ITSN1: variants seen among roughly 807,000 people sequenced by gnomAD.
The protein encoded by ITSN1 is intersectin-1.
ITSN1 carries 58 observed loss-of-function variants against 239.8 expected under a neutral mutation model. The observed-to-expected ratio is 0.24, with a 90% CI of 0.20 to 0.30. The LOEUF is 0.30. ITSN1 is among the 10% of genes least tolerant of loss of function. The pLI, the probability that ITSN1 is intolerant of heterozygous loss-of-function variation, is 1.00. For synonymous variants in ITSN1, 780 were observed against 770.8 expected (o/e 1.01, Z -0.20); for missense variants, 1,558 against 2,103.3 (o/e 0.74, Z 5.07).
At chr21:33,779,298 CA>C (rs1232889737) in intron 14 of ITSN1, among the ~76,000 whole-genome samples, 1 of 152,080 alleles carries the variant, frequency 6.6e-6, no homozygotes, top group East Asian at 1.9e-4. Flanking sequence ...ATTTTTGATA[CA>C]AACATTTTAA....
At chr21:33,711,620 CTT>C (rs2092416784) in intron 1 of ITSN1, among the ~76,000 whole-genome samples, 1 of 146,752 alleles carries the variant, frequency 6.8e-6, no homozygotes, top group African/African-American at 2.5e-5. Context: ...TCATTTGCCT[CTT>C]GACTTTTTGG....
intron 16 of ITSN1, among the ~76,000 whole-genome samples, chr21:33,784,639 A>G (rs1334488512): frequency 1.3e-5 from 2 of 152,254 alleles, no homozygotes; most frequent in Non-Finnish European, 2.9e-5. Context: ...CTCAAACCTG[A>G]TAAAGCCAAA....
chr21:33,896,960 T>G lies in ITSN1; in HGVS notation c.*8660T>G, dbSNP rs1275507193. On this transcript the variant is annotated 3_prime_UTR_variant, in exon 40 of 40. Coordinates refer to ENST00000381318, the MANE Select transcript of ITSN1 (RefSeq NM_003024.3). ...TTGAATGACATAACAAATTATGGCT[T>G]TGTTTTCATGCGTCATGCAATCTTC... 6.6e-6 allele frequency: 1 copy of G among 152,252 alleles called. No homozygotes were observed. The highest frequency in any genetic ancestry group is 2.4e-5 in the African/African-American group (1 of 41,460). 9.4% of individuals were successfully genotyped at this position (152,252 alleles called of 1,614,324 possible).
chr21:33,669,558 G>GCCGC (rs902232323), intron 1 of ITSN1, among the ~76,000 whole-genome samples: 4 of 151,654 alleles, frequency 2.6e-5, no homozygotes, highest in Non-Finnish European at 4.4e-5. Flanking sequence ...TCCTGCCTCA[G>GCCGC]CCGCCCGATT....
At chr21:33,675,753 A>G (rs773002039) in intron 1 of ITSN1, among the ~76,000 whole-genome samples, 6 of 152,104 alleles carry the variant, frequency 3.9e-5, no homozygotes, top group African/African-American at 9.7e-5. Flanking sequence ...TCTTTTACTG[A>G]TAAGAAGCTT....
At chr21:33,883,894 G>GTTTTTT (rs34448559) in intron 36 of ITSN1, among the ~76,000 whole-genome samples, 13 of 109,776 alleles carry the variant, frequency 1.2e-4, no homozygotes, top group East Asian at 5.5e-4. Flanking sequence ...TTTTGCTTGA[G>GTTTTTT]TTTTTTTTTT....
At chr21:33,653,905 C>T (rs768580092) in intron 1 of ITSN1, among the ~76,000 whole-genome samples, 4 of 152,124 alleles carry the variant, frequency 2.6e-5, no homozygotes, top group Non-Finnish European at 4.4e-5. Flanking sequence ...GTTCTCCTGT[C>T]GCAGCCTCCC....
intron 1 of ITSN1, among the ~76,000 whole-genome samples, chr21:33,699,163 T>C (rs959952350): frequency 2.6e-5 from 4 of 152,190 alleles, no homozygotes; most frequent in Admixed American, 2.6e-4. Flanking sequence ...TTTATGTTTC[T>C]CCCACATTTG....
chr21:33,664,125 T>C (rs2089761981), intron 1 of ITSN1, among the ~76,000 whole-genome samples: 1 of 152,184 alleles, frequency 6.6e-6, no homozygotes, highest in South Asian at 2.1e-4. Flanking sequence ...TGTAATAGAA[T>C]ATCTGAGGCT....
intron 16 of ITSN1, among the ~76,000 whole-genome samples, chr21:33,792,309 A>T (rs112629306): frequency 6.6e-6 from 1 of 152,092 alleles, no homozygotes; most frequent in East Asian, 1.9e-4. Flanking sequence ...GGTTCTCGCC[A>T]TTCTCCTGCC....
chr21:33,747,176 A>G (rs1160671713), intron 5 of ITSN1, among the ~76,000 whole-genome samples: 1 of 152,192 alleles, frequency 6.6e-6, no homozygotes, highest in African/African-American at 2.4e-5. Context: ...AAACCTGAAA[A>G]GTTCAATAAC....
intron 1 of ITSN1, among the ~76,000 whole-genome samples, chr21:33,668,125 T>C (rs2090039089): frequency 6.6e-6 from 1 of 152,214 alleles, no homozygotes; most frequent in African/African-American, 2.4e-5. Flanking sequence ...GCAAGATGCA[T>C]TTTCACAGTT....
intron 33 of ITSN1, among the ~76,000 whole-genome samples, chr21:33,869,516 T>C (rs1361792268): frequency 6.6e-6 from 1 of 152,232 alleles, no homozygotes; most frequent in African/African-American, 2.4e-5. Context: ...AGCCAAACCA[T>C]GTCAGACACT....
intron 16 of ITSN1, among the ~76,000 whole-genome samples, chr21:33,789,726 G>A (rs1006580833): frequency 6.6e-6 from 1 of 152,172 alleles, no homozygotes; most frequent in African/African-American, 2.4e-5. Context: ...TCTAAGACCA[G>A]ATGAAGGAGA....
chr21:33,837,768 G>A (rs1047002951), intron 29 of ITSN1: 11 of 985,770 alleles, frequency 1.1e-5, no homozygotes, highest in Non-Finnish European at 2.4e-6. Context: ...AGCCACATGA[G>A]AAAGCACTCT....
chr21:33,735,140 A>C lies in ITSN1; in HGVS notation c.282A>C (p.Leu94=). 6.2e-7 allele frequency: 1 copy of C among 1,613,926 alleles called. No individual in the cohort carries two copies. Among genetic ancestry groups the C allele is most frequent in the Non-Finnish European group, 8.5e-7 (1 of 1,179,906 alleles). The change falls in exon 5 of 40, where the codon CTA becomes CTC. Residue 94 remains leucine (L), a synonymous_variant. Coordinates refer to ENST00000381318, the MANE Select transcript of ITSN1 (RefSeq NM_003024.3). The part of the protein sequence containing the change: ...LIKLKLQGYQ[L]PSALPPVMKQ... ...AACTGAAGCTACAAGGATATCAGCT[A>C]CCCTCTGCACTTCCCCCTGTCATGA...
At chr21:33,667,278 A>G (rs1350407709) in intron 1 of ITSN1, among the ~76,000 whole-genome samples, 1 of 151,576 alleles carries the variant, frequency 6.6e-6, no homozygotes, top group East Asian at 1.9e-4. Context: ...TTTTTTTACA[A>G]TTCTCTAAGG....
intron 6 of ITSN1, among the ~76,000 whole-genome samples, chr21:33,750,769 A>G (rs987660311): frequency 3.3e-5 from 5 of 152,240 alleles, no homozygotes; most frequent in Admixed American, 1.3e-4. Context: ...AGTTTATACT[A>G]TTTTATGGTA....
Position 33,886,324 on chromosome 21 carries a change from C to T in ITSN1, c.4881C>T (p.Ser1627=). 1.2e-6 allele frequency: 2 copies of T among 1,614,090 alleles called. No homozygotes were observed. Among genetic ancestry groups the T allele is most frequent in the Non-Finnish European group, 1.7e-6 (2 of 1,180,010 alleles). Residue 1627 remains serine (S), a synonymous_variant, in exon 39 of 40, where the codon TCC becomes TCT. Transcript: ENST00000381318. The part of the protein sequence containing the change: ...SNPYCEVTMG[S]QCHITKTIQD... ...CGTACTGTGAGGTGACCATGGGTTC[C>T]CAGTGCCACATCACCAAGACGATCC... is the stretch of plus-strand genomic sequence containing the variant.
Sources: allele counts gnomAD v4.1 joint callset (sites outside exome capture counted in the v4.1 genomes callset), GRCh38; gene constraint gnomAD v4.1.1; transcripts MANE v1.5; gene names NCBI Gene and HGNC (gene_info 2026-07-23, HGNC 2026-07-21).